RERE: variants seen among roughly 807,000 people sequenced by gnomAD.
RERE encodes arginine-glutamic acid dipeptide repeats, also known as arginine-glutamic acid dipeptide repeats protein.
A neutral mutation model predicts 146.1 loss-of-function variants in RERE; 40 were observed. The ratio of observed to expected loss-of-function variants is 0.27; its 90% CI spans 0.21 to 0.36. RERE has a LOEUF of 0.36. Ranked by LOEUF, RERE falls within the 10% of genes least tolerant of loss-of-function variation. RERE has a pLI of 1.00. For missense variants in RERE, 1,933 were observed against 2,138.7 expected, an observed-to-expected ratio of 0.90 and a Z score of 1.90; for synonymous variants, 1,003 against 866.0, an observed-to-expected ratio of 1.16 and a Z score of -2.78.
chr1:8,507,582 T>TGA (rs1645270896), intron 8 of RERE, among the ~76,000 whole-genome samples: 1 of 151,802 alleles, frequency 6.6e-6, no homozygotes, highest in Non-Finnish European at 1.5e-5. Flanking sequence ...CTAATTTTTC[T>TGA]ATTTTTAGTA....
intron 7 of RERE, among the ~76,000 whole-genome samples, chr1:8,539,465 G>A (rs1262453021): frequency 6.6e-6 from 1 of 151,934 alleles, no homozygotes; most frequent in Non-Finnish European, 1.5e-5. Context: ...AAGTGCAGTG[G>A]GGCAATCTCG....
chr1:8,536,122 TC>T (rs199914448), intron 7 of RERE, among the ~76,000 whole-genome samples: 6 of 131,412 alleles, frequency 4.6e-5, no homozygotes, highest in East Asian at 2.1e-4. Flanking sequence ...AAAAAAAAAA[TC>T]AGATATTTTT....
chr1:8,446,178 G>A (rs1307944868), intron 11 of RERE, among the ~76,000 whole-genome samples: 1 of 152,202 alleles, frequency 6.6e-6, no homozygotes, highest in African/African-American at 2.4e-5. Flanking sequence ...TAAGAATGTT[G>A]AATATTGGCC....
intron 12 of RERE, among the ~76,000 whole-genome samples, chr1:8,419,716 AG>A (rs1263289620): frequency 1.3e-5 from 2 of 152,230 alleles, no homozygotes; most frequent in Non-Finnish European, 1.5e-5. Flanking sequence ...AATAATCAAA[AG>A]GGTAGGAATT....
At chr1:8,510,728 A>G (rs1451884543) in intron 7 of RERE, among the ~76,000 whole-genome samples, 2 of 152,146 alleles carry the variant, frequency 1.3e-5, no homozygotes, top group African/African-American at 4.8e-5. Flanking sequence ...CTTGCCTACA[A>G]GTAGGTCTAG....
intron 1 of RERE, among the ~76,000 whole-genome samples, chr1:8,671,841 T>C (rs1382841554): frequency 1.3e-5 from 2 of 152,222 alleles, no homozygotes; most frequent in African/African-American, 4.8e-5. Context: ...GAGCAACATT[T>C]ATATGTCTCA....
intron 4 of RERE, among the ~76,000 whole-genome samples, chr1:8,560,460 G>A (rs765757281): frequency 1.2e-4 from 18 of 152,040 alleles, no homozygotes; most frequent in Non-Finnish European, 2.5e-4. Context: ...AACCTGGTTC[G>A]AGCACTACAG....
At chr1:8,638,110 C>T (rs80073703) in intron 2 of RERE, among the ~76,000 whole-genome samples, 39 of 152,124 alleles carry the variant, frequency 2.6e-4, no homozygotes, top group African/African-American at 8.0e-4. Flanking sequence ...TTTTAATGTA[C>T]GAAAGCAACA....
intron 1 of RERE, among the ~76,000 whole-genome samples, chr1:8,795,545 G>A (rs1641452045): frequency 6.6e-6 from 1 of 152,116 alleles, no homozygotes; most frequent in African/African-American, 2.4e-5. Flanking sequence ...AGCTAAGGAA[G>A]TAGGGCACAT....
chr1:8,733,184 A>C (rs986505991), intron 1 of RERE, among the ~76,000 whole-genome samples: 4 of 152,106 alleles, frequency 2.6e-5, no homozygotes, highest in African/African-American at 9.7e-5. Flanking sequence ...AAAGAGAGAG[A>C]GAGAGAGTGA....
intron 10 of RERE, among the ~76,000 whole-genome samples, chr1:8,484,747 G>A (rs1243257018): frequency 6.6e-6 from 1 of 152,066 alleles, no homozygotes; most frequent in African/African-American, 2.4e-5. Flanking sequence ...TACATTTATA[G>A]GTGTTCACAT....
At chr1:8,422,835 T>C (rs1325182902) in intron 11 of RERE, 28 bp from the exon 12 acceptor site, 4 of 1,556,210 alleles carry the variant, frequency 2.6e-6, no homozygotes, top group Non-Finnish European at 3.5e-6. Flanking sequence ...AAATGGGATG[T>C]AAAAACCAAA....
At position 8,641,719 on chromosome 1, in the gene RERE, C is replaced by T. The variant is rs552372950; in HGVS notation, c.325+14254G>A. Among the ~76,000 whole-genome samples, 7 of 152,296 alleles carry T rather than the reference C, an allele frequency of 4.6e-5. No homozygotes were observed. The South Asian group carries it at 6.2e-4, about 14-fold the overall frequency. On this transcript the variant is annotated intron_variant, in intron 2 of 22. Transcript: ENST00000400908. The stretch of plus-strand genomic sequence containing the variant: ...GCTTTTACAACCAACCAATAAGACT[C>T]ACAGAACATATCATACAACTGTGAG...
In RERE at chr1:8,369,336, GA is replaced by G. The variant is rs542578498; in HGVS notation, c.1285-3363del. On this transcript the variant is annotated intron_variant, in intron 12 of 22. Transcript: ENST00000400908. ...GCTTCACTGATCTCTGCCAACAAGT[GA>G]AAAAAATCAAGACCCAAAAGAAAGA... 7.2e-5 allele frequency among the ~76,000 whole-genome samples: 11 copies of G among 151,954 alleles called. No individual in the cohort carries two copies. The East Asian group carries it at 2.1e-3, about 29-fold the overall frequency.
intron 3 of RERE, among the ~76,000 whole-genome samples, chr1:8,623,904 G>A (rs1185336046): frequency 1.3e-5 from 2 of 152,124 alleles, no homozygotes; most frequent in Admixed American, 6.5e-5. Flanking sequence ...AAATATTGAA[G>A]GAAGTGACAG....
intron 13 of RERE, 50 bp downstream of exon 13, chr1:8,365,762 C>T (rs773597181): frequency 6.2e-7 from 1 of 1,600,160 alleles, no homozygotes; most frequent in Non-Finnish European, 8.6e-7. Context: ...GACAGGCTGC[C>T]CGTGAACAGT....
intron 10 of RERE, among the ~76,000 whole-genome samples, chr1:8,492,820 G>A (rs944281846): frequency 6.6e-6 from 1 of 152,228 alleles, no homozygotes; most frequent in Non-Finnish European, 1.5e-5. Context: ...TAAGGTGGGA[G>A]AAAAGCTTGA....
chr1:8,597,487 A>C (rs933166022), intron 4 of RERE, among the ~76,000 whole-genome samples: 1 of 152,212 alleles, frequency 6.6e-6, no homozygotes, highest in Non-Finnish European at 1.5e-5. Context: ...CCACACAATA[A>C]GCCAATGAGA....
intron 8 of RERE, among the ~76,000 whole-genome samples, chr1:8,505,295 G>T (rs1645235522): frequency 1.3e-5 from 2 of 152,264 alleles, no homozygotes; most frequent in East Asian, 1.9e-4. Context: ...TAAGAAATTG[G>T]TAATTTTTAT....
Sources: gnomAD v4.1 joint callset for allele counts (sites outside exome capture counted in the v4.1 genomes callset) on GRCh38, gnomAD v4.1.1 for gene constraint, MANE v1.5 for transcripts, NCBI Gene and HGNC (gene_info 2026-07-23, HGNC 2026-07-21) for gene names.